Variants in DEPDC5 observed in about 807,000 individuals in gnomAD.
DEPDC5 encodes GATOR1 complex protein DEPDC5.
A neutral mutation model predicts 217.3 loss-of-function variants in DEPDC5; 73 were observed. That is an observed-to-expected ratio of 0.34 (90% CI 0.28 to 0.41). The LOEUF is 0.41. Among genes scored for constraint, DEPDC5 ranks in the 10% least tolerant of loss-of-function variants. The pLI, the probability that DEPDC5 is intolerant of heterozygous loss-of-function variation, is 1.00. For missense variants in DEPDC5, 1,675 were observed against 2,070.1 expected, an observed-to-expected ratio of 0.81 and a Z score of 3.70; for synonymous variants, 733 against 756.7, an observed-to-expected ratio of 0.97 and a Z score of 0.51.
At chr22:31,782,482 G>A (rs544070375) in intron 8 of DEPDC5, among the ~76,000 whole-genome samples, 29 of 152,316 alleles carry the variant, frequency 1.9e-4, no homozygotes, top group African/African-American at 6.7e-4. Flanking sequence ...AACTAAAGGA[G>A]TGTTAAGAGA....
intron 21 of DEPDC5, chr22:31,816,415 CTTTCTTTTCTTTTTT>C (rs1037860097): frequency 8.0e-5 from 12 of 149,206 alleles, no homozygotes; most frequent in East Asian, 3.9e-4. Context: ...TCTTCAGTTT[CTTTCTTTTCTTTTTT>C]TTTCTTTTCT....
chr22:31,870,853 A>G (rs2092821146), intron 34 of DEPDC5, 109 bp downstream of exon 34: 1 of 1,288,920 alleles, frequency 7.8e-7, no homozygotes, highest in Admixed American at 3.4e-5. Flanking sequence ...TGACTCTGCC[A>G]CAAGTCACAT....
chr22:31,890,440 T>A (rs2093415802), intron 38 of DEPDC5: 1 of 152,116 alleles, frequency 6.6e-6, no homozygotes, highest in Non-Finnish European at 1.5e-5. Context: ...TGGCCAGGCA[T>A]GGTGGCTCAT....
chr22:31,886,602 A>G (rs545372819), intron 38 of DEPDC5, among the ~76,000 whole-genome samples: 1 of 151,244 alleles, frequency 6.6e-6, no homozygotes, highest in African/African-American at 2.4e-5. Flanking sequence ...TCTACTAAAT[A>G]TACAAAAATT....
At chr22:31,794,659 C>T (rs1252395278) in intron 12 of DEPDC5, among the ~76,000 whole-genome samples, 1 of 152,090 alleles carries the variant, frequency 6.6e-6, no homozygotes, top group African/African-American at 2.4e-5. Flanking sequence ...CCAAGCCAGG[C>T]ACATTGCCTG....
At chr22:31,820,630 TC>T (rs1287604964) in intron 22 of DEPDC5, among the ~76,000 whole-genome samples, 2 of 152,258 alleles carry the variant, frequency 1.3e-5, no homozygotes, top group African/African-American at 4.8e-5. Flanking sequence ...TCCTTTCCCC[TC>T]CATTATTGTC....
At chr22:31,849,721 C>T (rs965507685) in intron 31 of DEPDC5, among the ~76,000 whole-genome samples, 2 of 151,534 alleles carry the variant, frequency 1.3e-5, no homozygotes, top group African/African-American at 4.9e-5. Context: ...GCGGAGGTTG[C>T]AATGAGCTAA....
chr22:31,768,433 G>A (rs1183886473), intron 6 of DEPDC5, among the ~76,000 whole-genome samples: 4 of 151,784 alleles, frequency 2.6e-5, no homozygotes, highest in Non-Finnish European at 5.9e-5. Context: ...ATTTGTTGAG[G>A]GTTCCATTTT....
chr22:31,768,901 A>G (rs200399584), intron 7 of DEPDC5, 38 bp downstream of exon 7: 3 of 1,610,752 alleles, frequency 1.9e-6, no homozygotes, highest in South Asian at 2.2e-5. Context: ...CTGTGCAGTA[A>G]CTGGGCTACA....
chr22:31,853,357 A>G (rs2092128463), intron 31 of DEPDC5: 1 of 152,208 alleles, frequency 6.6e-6, no homozygotes, highest in East Asian at 1.9e-4. Flanking sequence ...AGGCAGGACA[A>G]AGAGACCCAA....
chr22:31,768,084 G>GTT (rs933315851), intron 6 of DEPDC5, among the ~76,000 whole-genome samples: 3 of 144,688 alleles, frequency 2.1e-5, no homozygotes, highest in African/African-American at 7.6e-5. Context: ...TATTTTAATT[G>GTT]TTTTTTTTTT....
At position 31,810,662 on chromosome 22, in the gene DEPDC5, G is replaced by T. The variant is rs747489736; in HGVS notation, c.1445+21G>T. ...TGCAGGTTTTCTGCCAGATTCACTT[G>T]GGGGTGCATATAAAAATTGTGTAGG... On this transcript the variant is annotated intron_variant, in intron 20 of 42. Transcript: ENST00000651528. 3.1e-6 allele frequency: 5 copies of T among 1,613,012 alleles called. No homozygotes were observed. The Admixed American group carries it at 8.4e-5, about 27-fold the overall frequency.
Position 31,766,273 on chromosome 22 carries a change from G to T in DEPDC5, c.280-312G>T. ...CCAGAAAGTACTATTGACATTAATA[G>T]GGAAATAAAGTACATAGGTAAGTGT... On this transcript the variant is annotated intron_variant, in intron 5 of 42. Transcript: ENST00000651528. Among the ~76,000 whole-genome samples the T allele has an allele frequency of 1.3e-5, 2 of 152,128 alleles. 1 individual carries two copies. Among genetic ancestry groups the T allele is most frequent in the Admixed American group, 1.3e-4 (2 of 15,252 alleles).
At chr22:31,878,342 C>T (rs1286250918) in intron 37 of DEPDC5, among the ~76,000 whole-genome samples, 2 of 152,026 alleles carry the variant, frequency 1.3e-5, no homozygotes, top group Non-Finnish European at 2.9e-5. Context: ...CAGTAGATAC[C>T]TATCTTACCT....
intron 24 of DEPDC5, among the ~76,000 whole-genome samples, chr22:31,823,532 C>CAA (rs375009177): frequency 3.0e-3 from 153 of 50,996 alleles, no homozygotes; most frequent in Middle Eastern, 0.011. Context: ...GACTCCATCT[C>CAA]AAAAAAAAAA....
chr22:31,835,372 T>C (rs1161289933), intron 25 of DEPDC5, among the ~76,000 whole-genome samples: 1 of 152,170 alleles, frequency 6.6e-6, no homozygotes, highest in African/African-American at 2.4e-5. Context: ...AGTCCCTCTT[T>C]TCAGAACCAG....
intron 8 of DEPDC5, among the ~76,000 whole-genome samples, chr22:31,780,167 G>A (rs1217977814): frequency 6.6e-6 from 1 of 152,160 alleles, no homozygotes; most frequent in Non-Finnish European, 1.5e-5. Context: ...TAGGAGGCCC[G>A]CTATAGTCTA....
intron 39 of DEPDC5, among the ~76,000 whole-genome samples, chr22:31,897,105 AGAC>A (rs2093566925): frequency 1.3e-5 from 2 of 151,944 alleles, no homozygotes; most frequent in Non-Finnish European, 2.9e-5. Context: ...CAACAGAGAA[AGAC>A]TGTCTCAAAA....
chr22:31,804,970 C>T, intron 17 of DEPDC5, 55 bp downstream of exon 17: 2 of 1,512,974 alleles, frequency 1.3e-6, no homozygotes, highest in Non-Finnish European at 1.8e-6. Context: ...AGCTTCCTTG[C>T]CATTTTTCTT....
Sources: allele counts gnomAD v4.1 joint callset (sites outside exome capture counted in the v4.1 genomes callset), GRCh38; gene constraint gnomAD v4.1.1; transcripts MANE v1.5; gene names NCBI Gene and HGNC (gene_info 2026-07-23, HGNC 2026-07-21).